Variants in WDR36 observed in about 807,000 individuals in gnomAD.
WDR36 encodes the protein WD repeat-containing protein 36.
A neutral mutation model predicts 112.7 loss-of-function variants in WDR36; 63 were observed. The ratio of observed to expected loss-of-function variants is 0.56; its 90% CI spans 0.46 to 0.69. The LOEUF is 0.69. Among genes scored for constraint, WDR36 ranks in the 30% least tolerant of loss-of-function variants. The pLI, the probability that WDR36 is intolerant of heterozygous loss-of-function variation, is 0.00. For synonymous variants in WDR36, 410 were observed against 362.2 expected (o/e 1.13, Z -1.50); for missense variants, 1,226 against 1,070.3 (o/e 1.15, Z -2.03).
At position 111,097,999 on chromosome 5, in the gene WDR36, A is replaced by G. The variant is rs141690697; in HGVS notation, c.292-723A>G. On this transcript the variant is annotated intron_variant, in intron 3 of 22. Coordinates refer to ENST00000513710, the MANE Select transcript of WDR36 (RefSeq NM_139281.3). ...TTTCCCAGGGAGATATATGTGATTT[A>G]CATGAGGAGACTTTATCCTATATGT... Among the ~76,000 whole-genome samples, 954 of 152,320 alleles carry G rather than the reference A, an allele frequency of 6.3e-3. 5 individuals carry two copies. The highest frequency in any genetic ancestry group is 8.9e-3 in the Non-Finnish European group (607 of 68,026).
intron 15 of WDR36, 85 bp downstream of exon 15, chr5:111,111,363 T>C (rs1753336157): frequency 2.9e-6 from 3 of 1,048,828 alleles, no homozygotes; most frequent in Non-Finnish European, 4.5e-6. Context: ...AAAATCATTA[T>C]ATGAGGTGGT....
intron 8 of WDR36, 36 bp downstream of exon 8, chr5:111,104,388 C>T (rs1166464865): frequency 6.2e-7 from 1 of 1,610,324 alleles, no homozygotes; most frequent in Non-Finnish European, 8.5e-7. Context: ...CCTGGCTCAT[C>T]TAACTTACCC....
chr5:111,095,749 A>C (rs1033931084), intron 2 of WDR36, among the ~76,000 whole-genome samples: 3 of 152,352 alleles, frequency 2.0e-5, no homozygotes, highest in East Asian at 1.9e-4. Flanking sequence ...ATTTCAGATA[A>C]AGCATAGTCA....
intron 15 of WDR36, 27 bp from the exon 16 acceptor site, chr5:111,113,047 T>G: frequency 2.2e-6 from 1 of 454,268 alleles, no homozygotes; most frequent in Non-Finnish European, 3.1e-6. Flanking sequence ...TATATATATA[T>G]ATATATTTTT....
chr5:111,094,632 A>C (rs557216614), intron 1 of WDR36, among the ~76,000 whole-genome samples: 1 of 152,328 alleles, frequency 6.6e-6, no homozygotes, highest in Non-Finnish European at 1.5e-5. Flanking sequence ...CGGTGGCAGA[A>C]GTGAGTAGTT....
At chr5:111,094,032 GAAAA>G (rs143062290) in intron 1 of WDR36, among the ~76,000 whole-genome samples, 2 of 148,762 alleles carry the variant, frequency 1.3e-5, no homozygotes, top group Admixed American at 1.3e-4. Context: ...GGAGTAAAAA[GAAAA>G]AAAAAAGGAG....
rs33919278 is a variant in WDR36, at chr5:111,113,054, T to TATATA, written c.1717-20_1717-19insATATA. The TATATA allele has an allele frequency of 0.17, 45,390 of 262,132 alleles. 3,336 individuals are homozygous for TATATA. The highest frequency in any genetic ancestry group is 0.3 in the Admixed American group (3,963 of 13,240). 16.2% of individuals were successfully genotyped at this position (262,132 alleles called of 1,614,324 possible). ...ATAAATAATATATATATATATATATTTTTTTTTTTTAATTTAAAGGCTTTT... is the reference window on the plus strand; with the variant it reads ...ATAAATAATATATATATATATATATTATATATTTTTTTTTTAATTTAAAGGCTTTT... On this transcript the variant is annotated intron_variant, in intron 15 of 22. Transcript: ENST00000513710.
intron 13 of WDR36, 125 bp from the exon 14 acceptor site, chr5:111,110,663 T>A (rs1379920212): frequency 2.0e-5 from 22 of 1,090,312 alleles, no homozygotes; most frequent in Non-Finnish European, 2.6e-5. Context: ...CAGATTAATT[T>A]CAAGATTTTA....
Position 111,111,952 on chromosome 5 carries a change from A to T in WDR36, c.1716+674A>T, listed in dbSNP as rs576460988. ...AGTAAAATAAAAATAAAATCTTAAT[A>T]CTTAGTGACGAACCCAACAGCTGCA... On this transcript the variant is annotated intron_variant, in intron 15 of 22. Transcript: ENST00000513710. Among the ~76,000 whole-genome samples, 5 of 151,902 alleles carry T rather than the reference A, an allele frequency of 3.3e-5. 1 individual carries two copies. The South Asian group carries it at 1.0e-3, about 31-fold the overall frequency.
Position 111,130,439 on chromosome 5 carries a change from G to A in WDR36, c.*3556G>A, listed in dbSNP as rs1477574639. The A allele has an allele frequency of 1.7e-5, 3 of 178,374 alleles. No individual in the cohort carries two copies. The highest frequency in any genetic ancestry group is 3.6e-5 in the Non-Finnish European group (3 of 82,916). 11.0% of individuals were successfully genotyped at this position (178,374 alleles called of 1,614,324 possible). A position where few individuals can be genotyped will look rare whatever the true frequency, so the allele number is the denominator to read the frequency against. On this transcript the variant is annotated 3_prime_UTR_variant, in exon 23 of 23. Transcript: ENST00000513710. ...GTCTTCATTAAATCATCTTTTGTGG[G>A]AGAGCTTTTGGTTTCATAGATTTTC...
Position 111,102,403 on chromosome 5 carries a change from A to T in WDR36, c.597+4A>T, listed in dbSNP as rs772170148. ...TGGAGTGACAGCTCTTCAGCAGGTT[A>T]GTATTTTTCTGTTAAGTCAAAGAGG... On this transcript the variant is annotated splice_donor_region_variant and intron_variant, in intron 6 of 22. Coordinates refer to ENST00000513710, the MANE Select transcript of WDR36 (RefSeq NM_139281.3). The T allele has an allele frequency of 3.7e-6, 6 of 1,610,148 alleles. No individual in the cohort carries two copies. The African/African-American group carries it at 8.0e-5, about 22-fold the overall frequency.
rs1396598834 is a variant in WDR36, at chr5:111,113,164, A to G, written c.1796+11A>G. ...CCTTCCTTCTGGGTGGTAAGTTTAT[A>G]TTTCTAATTCCCTAACCTCTATAAG... On this transcript the variant is annotated intron_variant, in intron 16 of 22. Transcript: ENST00000513710. The G allele has an allele frequency of 6.6e-7, 1 of 1,523,850 alleles. No homozygotes were observed. Among genetic ancestry groups the G allele is most frequent in the Non-Finnish European group, 9.0e-7 (1 of 1,105,188 alleles). The allele number at this position is 1,523,850 out of a possible 1,614,324, so 94.4% of individuals were successfully genotyped here.
intron 21 of WDR36, among the ~76,000 whole-genome samples, chr5:111,124,639 T>G (rs1192794770): frequency 6.6e-6 from 1 of 152,204 alleles, no homozygotes; most frequent in Non-Finnish European, 1.5e-5. Context: ...TTTTAATCTG[T>G]CTGTTGTGTT....
At chr5:111,097,323 G>C in intron 3 of WDR36, 144 bp downstream of exon 3, 1 of 658,448 alleles carries the variant, frequency 1.5e-6, no homozygotes, top group Non-Finnish European at 2.7e-6. Context: ...CAGTTTTCTG[G>C]AGGAAGATAA....
chr5:111,101,175 C>T (rs1753114538), intron 5 of WDR36, among the ~76,000 whole-genome samples: 2 of 151,800 alleles, frequency 1.3e-5, no homozygotes, highest in Admixed American at 1.3e-4. Context: ...TATATGTTTG[C>T]TTTTGGAGTT....
intron 21 of WDR36, 92 bp downstream of exon 21, chr5:111,124,281 A>T: frequency 9.5e-7 from 1 of 1,049,218 alleles, no homozygotes; most frequent in East Asian, 2.7e-5. Context: ...CGTTCTCAGT[A>T]GTTAAGATAG....
At chr5:111,096,816 A>G (rs1266477970) in intron 2 of WDR36, among the ~76,000 whole-genome samples, 6 of 152,038 alleles carry the variant, frequency 3.9e-5, no homozygotes, top group Admixed American at 2.6e-4. Flanking sequence ...GCTTGTTTTC[A>G]TTTCTCTAGG....
chr5:111,093,709 A>T (rs2112561314), intron 1 of WDR36, among the ~76,000 whole-genome samples: 1 of 152,310 alleles, frequency 6.6e-6, no homozygotes, highest in East Asian at 1.9e-4. Context: ...TAACTCTTGA[A>T]ATCTTGTCTT....
At chr5:111,112,170 A>T (rs1359085735) in intron 15 of WDR36, among the ~76,000 whole-genome samples, 2 of 151,950 alleles carry the variant, frequency 1.3e-5, no homozygotes, top group Non-Finnish European at 2.9e-5. Context: ...ACTTTTGAAA[A>T]CATCTGTCAG....
Sources: allele counts gnomAD v4.1 joint callset (sites outside exome capture counted in the v4.1 genomes callset), GRCh38; gene constraint gnomAD v4.1.1; transcripts MANE v1.5; gene names NCBI Gene and HGNC (gene_info 2026-07-23, HGNC 2026-07-21).